CRB1: variants seen among roughly 807,000 people sequenced by gnomAD.
CRB1 encodes protein crumbs homolog 1.
Under a neutral mutation model 120.0 loss-of-function variants are expected in CRB1, and 83 were observed. The observed-to-expected ratio is 0.69, with a 90% confidence interval of 0.58 to 0.83. CRB1 has a LOEUF of 0.83. CRB1 is among the 40% of genes least tolerant of loss of function. The pLI, the probability that CRB1 is intolerant of heterozygous loss-of-function variation, is 0.00. For missense variants in CRB1, 1,699 were observed against 1,687.6 expected, an observed-to-expected ratio of 1.01 and a Z score of -0.12; for synonymous variants, 625 against 612.5, an observed-to-expected ratio of 1.02 and a Z score of -0.30.
intron 1 of CRB1, among the ~76,000 whole-genome samples, chr1:197,306,460 A>T (rs1657180725): frequency 6.6e-6 from 1 of 152,206 alleles, no homozygotes; most frequent in Non-Finnish European, 1.5e-5. Context: ...GGAAGAACTT[A>T]TCCTACAGTA....
intron 1 of CRB1, among the ~76,000 whole-genome samples, chr1:197,317,683 A>G (rs1657935652): frequency 6.6e-6 from 1 of 152,182 alleles, no homozygotes; most frequent in Non-Finnish European, 1.5e-5. Context: ...GGGCCCAGAA[A>G]TAAATCCCTG....
chr1:197,405,005 C>T (rs1200430672), intron 5 of CRB1, among the ~76,000 whole-genome samples: 1 of 152,130 alleles, frequency 6.6e-6, no homozygotes. Flanking sequence ...ACCATACCTA[C>T]GCAATAGCAG....
chr1:197,437,663 A>T (rs944136605), intron 9 of CRB1, among the ~76,000 whole-genome samples: 1 of 152,136 alleles, frequency 6.6e-6, no homozygotes, highest in South Asian at 2.1e-4. Context: ...TTTTTAAAGT[A>T]GAATTGATTA....
At chr1:197,420,927 C>T (rs1193200384) in intron 5 of CRB1, 73 bp from the exon 6 acceptor site, 15 of 1,005,014 alleles carry the variant, frequency 1.5e-5, no homozygotes, top group African/African-American at 3.2e-5. Context: ...CAAGATTATA[C>T]AAGTAAATTA....
chr1:197,225,552 A>G, the CRB1 span, among the ~76,000 whole-genome samples: 3 of 152,212 alleles, frequency 2.0e-5, no homozygotes, highest in African/African-American at 7.2e-5. Context: ...GGCCACATAA[A>G]TGAATGGGCA....
chr1:197,285,316 T>C (rs1261160323), intron 1 of CRB1, among the ~76,000 whole-genome samples: 1 of 151,626 alleles, frequency 6.6e-6, no homozygotes, highest in Non-Finnish European at 1.5e-5. Context: ...AATAGAGAGA[T>C]GATGGGGACA....
At chr1:197,224,960 A>T in the CRB1 span, among the ~76,000 whole-genome samples, 2 of 152,196 alleles carry the variant, frequency 1.3e-5, no homozygotes, top group Admixed American at 6.5e-5. Flanking sequence ...CTTGAGATAT[A>T]ATACTAATGA....
intron 1 of CRB1, among the ~76,000 whole-genome samples, chr1:197,287,657 T>C (rs1655908428): frequency 6.6e-6 from 1 of 151,790 alleles, no homozygotes; most frequent in Non-Finnish European, 1.5e-5. Context: ...TTTCCTCATG[T>C]GCAGTTTATC....
chr1:197,387,714 G>A (rs1339989065), intron 5 of CRB1, among the ~76,000 whole-genome samples: 3 of 151,582 alleles, frequency 2.0e-5, no homozygotes, highest in Non-Finnish European at 4.4e-5. Context: ...TAAAAAGTTT[G>A]TTTACATGAA....
At chr1:197,451,134 T>G (rs1259345784) in intron 11 of CRB1, among the ~76,000 whole-genome samples, 1 of 152,154 alleles carries the variant, frequency 6.6e-6, no homozygotes, top group African/African-American at 2.4e-5. Flanking sequence ...TCCAATAGAA[T>G]CTGAATGACC....
Position 197,404,314 on chromosome 1 carries a change from C to T in CRB1, c.1172-16686C>T, listed in dbSNP as rs74368009. On this transcript the variant is annotated intron_variant, in intron 5 of 11. Transcript: ENST00000367400. ...TTCCTAAAAGTAGTGGAACTTCGGA[C>T]GCCTGTAGTCCCAGCTACTCGGGAG... Among the ~76,000 whole-genome samples the T allele has an allele frequency of 6.7e-3, 1,025 of 152,066 alleles. 14 individuals are homozygous for T. The highest frequency in any genetic ancestry group is 0.023 in the African/African-American group (966 of 41,474).
chr1:197,298,962 T>C (rs1174323456), intron 1 of CRB1, among the ~76,000 whole-genome samples: 1 of 152,162 alleles, frequency 6.6e-6, no homozygotes, highest in African/African-American at 2.4e-5. Flanking sequence ...GGAATACATT[T>C]ATTTAAGACA....
intron 2 of CRB1, among the ~76,000 whole-genome samples, chr1:197,338,392 C>A (rs978301748): frequency 6.6e-6 from 1 of 152,026 alleles, no homozygotes; most frequent in Non-Finnish European, 1.5e-5. Context: ...AATGAGCTCA[C>A]AGAATTAGAA....
intron 4 of CRB1, among the ~76,000 whole-genome samples, chr1:197,353,619 GGT>G (rs1471706891): frequency 6.6e-6 from 1 of 151,878 alleles, no homozygotes; most frequent in Non-Finnish European, 1.5e-5. Context: ...TGGCCAACAT[GGT>G]GAAACTTCGT....
chr1:197,228,010 T>C, the CRB1 span, among the ~76,000 whole-genome samples: 2 of 152,114 alleles, frequency 1.3e-5, no homozygotes, highest in Non-Finnish European at 2.9e-5. Context: ...CTTTTAGCAA[T>C]GGCTGGGACA....
chr1:197,438,693 C>T lies in CRB1; in HGVS notation c.3878+18C>T. The stretch of plus-strand genomic sequence containing the variant: ...GGAGAATGGTGAGTCACATTAGAGC[C>T]TTCTGGAAGAGAATTCTGAGCTAAA... On this transcript the variant is annotated intron_variant, in intron 10 of 11. Transcript: ENST00000367400. The T allele has an allele frequency of 6.2e-7, 1 of 1,610,848 alleles. No homozygotes were observed.
chr1:197,319,251 G>A (rs1199008427), intron 1 of CRB1, among the ~76,000 whole-genome samples: 3 of 36,164 alleles, frequency 8.3e-5, no homozygotes, highest in Admixed American at 3.6e-4. Flanking sequence ...GTGAAACCCT[G>A]TCTCTACTAA....
At chr1:197,234,727 G>A in the CRB1 span, among the ~76,000 whole-genome samples, 2 of 152,232 alleles carry the variant, frequency 1.3e-5, no homozygotes, top group Admixed American at 6.5e-5. Flanking sequence ...GGCAAGGACA[G>A]AAGCTATTCA....
chr1:197,273,326 A>G (rs1036275667), intron 1 of CRB1, among the ~76,000 whole-genome samples: 11 of 152,130 alleles, frequency 7.2e-5, no homozygotes, highest in Non-Finnish European at 1.6e-4. Context: ...CATATCTATA[A>G]TATTATCAAT....
Sources: allele counts gnomAD v4.1 joint callset (sites outside exome capture counted in the v4.1 genomes callset), GRCh38; gene constraint gnomAD v4.1.1; transcripts MANE v1.5; gene names NCBI Gene and HGNC (gene_info 2026-07-23, HGNC 2026-07-21).